The following DIS3L2 variants were observed in gnomAD, a reference collection of about 807,000 sequenced individuals.
The protein encoded by DIS3L2 is DIS3 like 3'-5' exoribonuclease 2.
DIS3L2 carries 34 observed loss-of-function variants against 97.5 expected under a neutral mutation model. That is an observed-to-expected ratio of 0.35 (90% CI 0.27 to 0.46). DIS3L2 has a LOEUF of 0.46. Ranked by LOEUF, DIS3L2 falls within the 20% of genes least tolerant of loss-of-function variation. The pLI, the probability that DIS3L2 is intolerant of heterozygous loss-of-function variation, is 1.00. For missense variants in DIS3L2, 1,038 were observed against 1,146.0 expected, an observed-to-expected ratio of 0.91 and a Z score of 1.36; for synonymous variants, 435 against 445.2, an observed-to-expected ratio of 0.98 and a Z score of 0.29.
chr2:232,218,861 A>G (rs1371618242), intron 10 of DIS3L2, among the ~76,000 whole-genome samples: 4 of 152,196 alleles, frequency 2.6e-5, no homozygotes, highest in Admixed American at 6.5e-5. Flanking sequence ...GCTTGTACCT[A>G]TGGGTTAGGT....
intron 13 of DIS3L2, among the ~76,000 whole-genome samples, chr2:232,283,198 T>C (rs1694343249): frequency 6.6e-6 from 1 of 152,232 alleles, no homozygotes; most frequent in South Asian, 2.1e-4. Context: ...ATGAGGAAAC[T>C]GAGACTTGAG....
intron 6 of DIS3L2, among the ~76,000 whole-genome samples, chr2:232,090,848 G>A (rs1559618926): frequency 6.6e-6 from 1 of 152,222 alleles, no homozygotes; most frequent in Non-Finnish European, 1.5e-5. Flanking sequence ...CCTATTTGCT[G>A]AGGAAATATT....
intron 9 of DIS3L2, among the ~76,000 whole-genome samples, chr2:232,166,763 A>G (rs1690835885): frequency 6.6e-6 from 1 of 151,956 alleles, no homozygotes; most frequent in African/African-American, 2.4e-5. Context: ...GCTCACACCT[A>G]TAATCCCAGC....
At chr2:232,271,934 T>C (rs755995010) in intron 13 of DIS3L2, among the ~76,000 whole-genome samples, 4 of 152,220 alleles carry the variant, frequency 2.6e-5, no homozygotes, top group Non-Finnish European at 5.9e-5. Flanking sequence ...GCATGAACAA[T>C]AGACAAACTT....
intron 5 of DIS3L2, among the ~76,000 whole-genome samples, chr2:232,086,643 A>T (rs11675964): frequency 1.2e-5 from 1 of 81,928 alleles, no homozygotes; most frequent in Non-Finnish European, 2.1e-5. Flanking sequence ...ATATATATAT[A>T]TGTATATATA....
At chr2:232,051,216 T>A (rs942369905) in intron 5 of DIS3L2, among the ~76,000 whole-genome samples, 12 of 152,180 alleles carry the variant, frequency 7.9e-5, no homozygotes, top group Admixed American at 1.3e-4. Context: ...GCCTCACCTA[T>A]AAATGGTATA....
intron 5 of DIS3L2, among the ~76,000 whole-genome samples, chr2:232,032,210 C>T (rs1256826652): frequency 2.6e-5 from 4 of 152,156 alleles, no homozygotes; most frequent in South Asian, 2.1e-4. Flanking sequence ...TTCTAACTGG[C>T]GTGAGATAAT....
chr2:232,167,528 G>A (rs933108262), intron 9 of DIS3L2, among the ~76,000 whole-genome samples: 3 of 152,066 alleles, frequency 2.0e-5, no homozygotes, highest in Non-Finnish European at 4.4e-5. Flanking sequence ...TATCATAATT[G>A]AAAAGGATAT....
rs548398088 is a variant in DIS3L2, at chr2:232,078,243, C to T, written c.367-9244C>T. 5.9e-5 allele frequency among the ~76,000 whole-genome samples: 9 copies of T among 152,152 alleles called. No homozygotes were observed. The East Asian group carries it at 1.7e-3, about 29-fold the overall frequency. On this transcript the variant is annotated intron_variant, in intron 5 of 20. Coordinates refer to ENST00000325385, the MANE Select transcript of DIS3L2 (RefSeq NM_152383.5). ...ATTTTTAATAGAGATGGGGTTTTGC[C>T]ATGTTGGCCAGGCTGGTCTCAAACT...
At chr2:232,194,324 A>G (rs1262833320) in intron 9 of DIS3L2, among the ~76,000 whole-genome samples, 3 of 152,112 alleles carry the variant, frequency 2.0e-5, no homozygotes, top group East Asian at 1.9e-4. Flanking sequence ...ATATATTTAC[A>G]TAAATAATTA....
chr2:232,222,686 C>T (rs187757417), intron 10 of DIS3L2, among the ~76,000 whole-genome samples: 4 of 151,668 alleles, frequency 2.6e-5, no homozygotes, highest in African/African-American at 9.7e-5. Context: ...AGGTTGGTCT[C>T]GAACTTCTGA....
At chr2:232,080,303 C>T (rs1323218868) in intron 5 of DIS3L2, among the ~76,000 whole-genome samples, 2 of 152,014 alleles carry the variant, frequency 1.3e-5, no homozygotes, top group Non-Finnish European at 2.9e-5. Context: ...CAAGGGTTCT[C>T]TTGTTTGAGA....
chr2:232,011,974 G>A (rs1263888965), intron 1 of DIS3L2, among the ~76,000 whole-genome samples: 3 of 152,196 alleles, frequency 2.0e-5, no homozygotes, highest in African/African-American at 7.2e-5. Flanking sequence ...TTTCTACTTA[G>A]CATTTTATAT....
intron 6 of DIS3L2, among the ~76,000 whole-genome samples, chr2:232,092,953 A>G (rs1324049887): frequency 6.6e-6 from 1 of 152,068 alleles, no homozygotes; most frequent in Non-Finnish European, 1.5e-5. Context: ...GACAGTGGGT[A>G]TTCTTGTTGT....
At chr2:232,210,505 A>G in intron 10 of DIS3L2, 100 bp downstream of exon 10, 5 of 1,138,242 alleles carry the variant, frequency 4.4e-6, no homozygotes, top group Non-Finnish European at 6.6e-6. Context: ...ATACTGTGCA[A>G]GGCTAGGTTT....
At chr2:232,109,368 G>A (rs1418086491) in intron 6 of DIS3L2, among the ~76,000 whole-genome samples, 2 of 152,132 alleles carry the variant, frequency 1.3e-5, no homozygotes, top group South Asian at 2.1e-4. Flanking sequence ...TTGAACCAGG[G>A]AGGCAGAGGT....
chr2:232,107,627 A>T (rs556336925), intron 6 of DIS3L2, among the ~76,000 whole-genome samples: 13 of 152,308 alleles, frequency 8.5e-5, no homozygotes, highest in Non-Finnish European at 1.9e-4. Context: ...TAAATCCAGG[A>T]GGTGTAGGAT....
chr2:232,176,794 T>TTAA (rs1553613566), intron 9 of DIS3L2, among the ~76,000 whole-genome samples: 2 of 149,492 alleles, frequency 1.3e-5, no homozygotes, highest in Non-Finnish European at 3.0e-5. Flanking sequence ...AATTAATTAA[T>TTAA]TTATTATTAT....
At chr2:232,247,361 T>C (rs913876508) in intron 11 of DIS3L2, among the ~76,000 whole-genome samples, 2 of 152,178 alleles carry the variant, frequency 1.3e-5, no homozygotes, top group African/African-American at 4.8e-5. Flanking sequence ...CAGAATCCCA[T>C]ATCAAGGTGC....
Sources: allele counts gnomAD v4.1 joint callset (sites outside exome capture counted in the v4.1 genomes callset), GRCh38; gene constraint gnomAD v4.1.1; transcripts MANE v1.5; gene names NCBI Gene and HGNC (gene_info 2026-07-23, HGNC 2026-07-21).